GRM5: variants seen among roughly 807,000 people sequenced by gnomAD.
GRM5 encodes glutamate metabotropic receptor 5.
GRM5 carries 19 observed loss-of-function variants against 83.1 expected under a neutral mutation model. The ratio of observed to expected loss-of-function variants is 0.23; its 90% CI spans 0.16 to 0.34. The LOEUF (loss-of-function observed/expected upper bound fraction) is 0.34. Among genes scored for constraint, GRM5 ranks in the 10% least tolerant of loss-of-function variants. GRM5 has a pLI of 1.00. For missense variants in GRM5, 1,160 were observed against 1,588.3 expected (o/e 0.73, Z 4.58); for synonymous variants, 675 against 633.6 (o/e 1.07, Z -0.98).
intron 3 of GRM5, among the ~76,000 whole-genome samples, chr11:88,793,390 T>C (rs933684364): frequency 2.6e-5 from 4 of 152,168 alleles, no homozygotes; most frequent in Non-Finnish European, 5.9e-5. Context: ...ATAGTGAACA[T>C]CTAAGGACTG....
intron 3 of GRM5, among the ~76,000 whole-genome samples, chr11:88,805,775 C>A (rs370007710): frequency 1.3e-5 from 2 of 152,134 alleles, no homozygotes; most frequent in African/African-American, 4.8e-5. Flanking sequence ...ATAATGTTTT[C>A]TCAGTAAGGG....
At chr11:88,863,121 G>C (rs1944595689) in intron 2 of GRM5, among the ~76,000 whole-genome samples, 2 of 152,198 alleles carry the variant, frequency 1.3e-5, no homozygotes, top group South Asian at 4.1e-4. Context: ...ACAGATGCTG[G>C]TGAGGTTGTG....
intron 3 of GRM5, among the ~76,000 whole-genome samples, chr11:88,786,368 T>G (rs1396350406): frequency 2.0e-5 from 3 of 152,152 alleles, no homozygotes; most frequent in Non-Finnish European, 4.4e-5. Context: ...CAAAGAATTC[T>G]TAATGCATTG....
intron 2 of GRM5, among the ~76,000 whole-genome samples, chr11:88,920,392 CA>C (rs1286659987): frequency 7.8e-6 from 1 of 127,390 alleles, no homozygotes; most frequent in African/African-American, 3.1e-5. Flanking sequence ...AGATTAAAGT[CA>C]TAAGAAAAAT....
intron 2 of GRM5, among the ~76,000 whole-genome samples, chr11:88,991,744 C>A (rs1052560699): frequency 6.6e-6 from 1 of 152,064 alleles, no homozygotes. Context: ...ACAAACCTGA[C>A]AAAAACAAGA....
At chr11:88,609,170 C>T (rs1314457984) in intron 4 of GRM5, among the ~76,000 whole-genome samples, 1 of 152,118 alleles carries the variant, frequency 6.6e-6, no homozygotes, top group Admixed American at 6.5e-5. Context: ...AAGCAATCTC[C>T]AGTGTCTGTT....
intron 9 of GRM5, among the ~76,000 whole-genome samples, chr11:88,513,142 T>C (rs573633713): frequency 2.0e-5 from 3 of 152,332 alleles, no homozygotes; most frequent in South Asian, 4.1e-4. Flanking sequence ...AAAGAAAGCT[T>C]TCCTGACCCT....
At chr11:88,624,038 C>T (rs562855917) in intron 4 of GRM5, among the ~76,000 whole-genome samples, 6 of 152,174 alleles carry the variant, frequency 3.9e-5, no homozygotes, top group Admixed American at 6.5e-5. Context: ...ATTTAAGTTC[C>T]AATTCAACTA....
chr11:88,629,183 A>G lies in GRM5; in HGVS notation c.1147+23985T>C, dbSNP rs564525870. Among the ~76,000 whole-genome samples the G allele has an allele frequency of 1.5e-3, 229 of 152,288 alleles. 1 individual carries two copies. Among genetic ancestry groups the G allele is most frequent in the African/African-American group, 5.1e-3 (214 of 41,566 alleles). On this transcript the variant is annotated intron_variant, in intron 4 of 9. Coordinates refer to ENST00000305447, the MANE Select transcript of GRM5 (RefSeq NM_001143831.3). The stretch of plus-strand genomic sequence containing the variant: ...TCTGGAAGAAGGACCCTGAAAAGGC[A>G]TTTGCCCTGGGTCTATTGGTAGCGG...
chr11:88,676,191 C>A (rs1591433047), intron 3 of GRM5, among the ~76,000 whole-genome samples: 1 of 151,868 alleles, frequency 6.6e-6, no homozygotes, highest in Admixed American at 6.6e-5. Flanking sequence ...GTGTTTTATT[C>A]CCCTGCTTGA....
intron 2 of GRM5, among the ~76,000 whole-genome samples, chr11:88,859,643 T>C (rs1179670676): frequency 1.3e-5 from 2 of 152,088 alleles, no homozygotes; most frequent in Non-Finnish European, 1.5e-5. Flanking sequence ...CTGTCAAATT[T>C]CAAAGCCCAT....
intron 2 of GRM5, among the ~76,000 whole-genome samples, chr11:89,020,820 C>T (rs765236495): frequency 1.3e-5 from 2 of 152,150 alleles, no homozygotes; most frequent in Non-Finnish European, 2.9e-5. Context: ...TAATCATTAT[C>T]TCATTTAATT....
At chr11:89,037,052 G>A (rs1941405712) in intron 2 of GRM5, among the ~76,000 whole-genome samples, 1 of 151,792 alleles carries the variant, frequency 6.6e-6, no homozygotes, top group African/African-American at 2.4e-5. Flanking sequence ...TTAAACTTGT[G>A]GCTTATTACA....
chr11:88,514,604 G>A (rs1027548374), intron 9 of GRM5, among the ~76,000 whole-genome samples: 5 of 152,058 alleles, frequency 3.3e-5, no homozygotes, highest in Non-Finnish European at 5.9e-5. Context: ...GGAATACAGT[G>A]TTAAGGTATT....
rs187315897 is a variant in GRM5, at chr11:88,811,819, T to C, written c.911+38087A>G. Among the ~76,000 whole-genome samples, 714 of 152,208 alleles carry C rather than the reference T, an allele frequency of 4.7e-3. 4 individuals carry two copies. Among genetic ancestry groups the C allele is most frequent in the Non-Finnish European group, 7.0e-3 (474 of 67,972 alleles). On this transcript the variant is annotated intron_variant, in intron 3 of 9. Coordinates refer to ENST00000305447, the MANE Select transcript of GRM5 (RefSeq NM_001143831.3). ...CACACCCTGCCCCTTCCAGATCCAA[T>C]GCATATCCTCTTCCAGGGGTACCAT...
chr11:88,719,812 C>CAGTGATGTTG (rs1941490597), intron 3 of GRM5, among the ~76,000 whole-genome samples: 1 of 152,012 alleles, frequency 6.6e-6, no homozygotes, highest in Non-Finnish European at 1.5e-5. Flanking sequence ...CTCTAATGAT[C>CAGTGATGTTG]AGTGATGTTG....
At position 88,734,153 on chromosome 11, in the gene GRM5, C is replaced by CA. The variant is rs200490286; in HGVS notation, c.912-80751dup. On this transcript the variant is annotated intron_variant, in intron 3 of 9. Coordinates refer to ENST00000305447, the MANE Select transcript of GRM5 (RefSeq NM_001143831.3). ...AGGTGGAATTCCTGCAATTCAGTAG[C>CA]AAAAAATTAAATAACCTAAACAACA... Among the ~76,000 whole-genome samples, 1,253 of 151,774 alleles carry CA rather than the reference C, an allele frequency of 8.3e-3. 14 individuals are homozygous for CA. The highest frequency in any genetic ancestry group is 0.029 in the African/African-American group (1,186 of 41,418).
intron 2 of GRM5, among the ~76,000 whole-genome samples, chr11:88,857,396 C>T (rs1944495381): frequency 6.6e-6 from 1 of 152,014 alleles, no homozygotes; most frequent in Non-Finnish European, 1.5e-5. Context: ...ATATCATCCC[C>T]TAAATATACA....
At chr11:88,766,368 A>G (rs1565220755) in intron 3 of GRM5, among the ~76,000 whole-genome samples, 1 of 151,986 alleles carries the variant, frequency 6.6e-6, no homozygotes, top group Non-Finnish European at 1.5e-5. Context: ...CAAATAGACA[A>G]ATGGAATGGA....
Sources: gnomAD v4.1 joint callset for allele counts (sites outside exome capture counted in the v4.1 genomes callset) on GRCh38, gnomAD v4.1.1 for gene constraint, MANE v1.5 for transcripts, NCBI Gene and HGNC (gene_info 2026-07-23, HGNC 2026-07-21) for gene names.